The following BCL2L14 variants were observed in gnomAD, a reference collection of about 807,000 sequenced individuals.
BCL2L14 encodes the protein BCL2 like 14, also known as apoptosis facilitator Bcl-2-like protein 14.
A neutral mutation model predicts 35.3 loss-of-function variants in BCL2L14; 27 were observed. That is an observed-to-expected ratio of 0.76 (90% confidence interval 0.56 to 1.05). The LOEUF (loss-of-function observed/expected upper bound fraction) is 1.05. BCL2L14 is among the 50% of genes least tolerant of loss of function. The pLI is 0.00. For synonymous variants in BCL2L14, 139 were observed against 145.9 expected, an observed-to-expected ratio of 0.95 and a Z score of 0.34; for missense variants, 377 against 382.6, an observed-to-expected ratio of 0.99 and a Z score of 0.12.
chr12:12,057,428 G>A (rs11054643), intron 2 of BCL2L14, among the ~76,000 whole-genome samples: 94,301 of 151,974 alleles, frequency 0.62, 30,082 homozygotes, highest in East Asian at 0.78. Flanking sequence ...TTTTCCCTAC[G>A]CCAAAGTCAA....
At chr12:12,050,578 T>C (rs1948337641) in intron 1 of BCL2L14, among the ~76,000 whole-genome samples, 1 of 151,272 alleles carries the variant, frequency 6.6e-6, no homozygotes, top group African/African-American at 2.4e-5. Flanking sequence ...GCCAGAAGCT[T>C]ATAGGAGTAG....
chr12:12,063,571 C>G (rs1018254918), intron 2 of BCL2L14, among the ~76,000 whole-genome samples: 4 of 152,082 alleles, frequency 2.6e-5, no homozygotes, highest in Admixed American at 6.6e-5. Flanking sequence ...TCGAAGCAGC[C>G]CTGAGAAACA....
At chr12:12,084,557 G>A (rs557231868) in intron 2 of BCL2L14, among the ~76,000 whole-genome samples, 1 of 152,086 alleles carries the variant, frequency 6.6e-6, no homozygotes, top group South Asian at 2.1e-4. Context: ...CTGGCGCCAC[G>A]ATGACCCCCA....
intron 3 of BCL2L14, among the ~76,000 whole-genome samples, chr12:12,089,616 T>C (rs1357927247): frequency 6.6e-6 from 1 of 151,918 alleles, no homozygotes; most frequent in African/African-American, 2.4e-5. Context: ...GAGAATCACT[T>C]GAACCTGGGA....
chr12:12,092,214 G>A (rs929208658), intron 4 of BCL2L14, among the ~76,000 whole-genome samples: 1 of 152,158 alleles, frequency 6.6e-6, no homozygotes, highest in Non-Finnish European at 1.5e-5. Context: ...CTGGAGGTGG[G>A]ACGAAGGCCA....
At chr12:12,063,377 T>C (rs1232300600) in intron 2 of BCL2L14, among the ~76,000 whole-genome samples, 1 of 150,930 alleles carries the variant, frequency 6.6e-6, no homozygotes, top group Non-Finnish European at 1.5e-5. Context: ...CTTTTATACC[T>C]GTTTTTCTCC....
At position 12,094,804 on chromosome 12, in the gene BCL2L14, C is replaced by T. The variant is rs769113790; in HGVS notation, c.819C>T (p.Ala273=). 2 of 1,614,190 alleles carry T rather than the reference C, an allele frequency of 1.2e-6. No homozygotes were observed. Among genetic ancestry groups the T allele is most frequent in the Admixed American group, 1.7e-5 (1 of 60,030 alleles). Residue 273 remains alanine, a synonymous_variant, in exon 5 of 6, where the codon GCC becomes GCT. Coordinates refer to ENST00000308721, the MANE Select transcript of BCL2L14 (RefSeq NM_138723.2). Reference sequence around the variant, plus strand: ...TCAAAGCTCAGGGCTTTAAGGCTGCCCTTGTAATAGACGTCACGGCCAAGC... The same window carrying T: ...TCAAAGCTCAGGGCTTTAAGGCTGCTCTTGTAATAGACGTCACGGCCAAGC... ...SEVKAQGFKA[A]LVIDVTAKLT...
At chr12:12,073,961 G>A (rs1431919612) in intron 1 of BCL2L14, among the ~76,000 whole-genome samples, 1 of 152,134 alleles carries the variant, frequency 6.6e-6, no homozygotes, top group African/African-American at 2.4e-5. Context: ...AGGTCTCAGT[G>A]TGTCTCAGCA....
chr12:12,070,273 C>T (rs565792838), upstream of BCL2L14, among the ~76,000 whole-genome samples: 7 of 152,230 alleles, frequency 4.6e-5, no homozygotes, highest in East Asian at 7.7e-4. Flanking sequence ...AGAAAGAGCA[C>T]GATTTGGATC....
At chr12:12,050,812 A>AAG (rs1491229856) in intron 1 of BCL2L14, among the ~76,000 whole-genome samples, 1 of 131,204 alleles carries the variant, frequency 7.6e-6, no homozygotes. Context: ...AAAAAAAAAA[A>AAG]AGAAAAGAAA....
rs532436443 is a variant in BCL2L14 at position 12,084,987 on chromosome 12, G to A, written c.434-2226G>A. 5.9e-5 allele frequency among the ~76,000 whole-genome samples: 9 copies of A among 151,668 alleles called. No homozygotes were observed. The South Asian group carries it at 8.4e-4, about 14-fold the overall frequency. On this transcript the variant is annotated intron_variant, in intron 2 of 5. Coordinates refer to ENST00000308721, the MANE Select transcript of BCL2L14 (RefSeq NM_138723.2). ...AATCCCAGCTACACAGGAGGCTGAG[G>A]CAGAGAGAATGGCTTGAACCCAGAA...
chr12:12,059,582 C>T (rs1166321615), intron 2 of BCL2L14, among the ~76,000 whole-genome samples: 1 of 151,760 alleles, frequency 6.6e-6, no homozygotes, highest in Non-Finnish European at 1.5e-5. Flanking sequence ...TGTGCCTGAC[C>T]CCTTCTCTGC....
intron 3 of BCL2L14, among the ~76,000 whole-genome samples, chr12:12,089,761 T>C (rs1236333322): frequency 6.6e-6 from 1 of 152,226 alleles, no homozygotes; most frequent in Non-Finnish European, 1.5e-5. Context: ...CCTATCCATC[T>C]GCCCTTTTAG....
intron 1 of BCL2L14, among the ~76,000 whole-genome samples, chr12:12,050,275 G>C (rs1948328531): frequency 6.6e-6 from 1 of 151,922 alleles, no homozygotes; most frequent in East Asian, 1.9e-4. Context: ...AGTCTTGAAA[G>C]AGCCTCAATT....
At chr12:12,083,118 C>T (rs1360291220) in intron 2 of BCL2L14, among the ~76,000 whole-genome samples, 3 of 152,120 alleles carry the variant, frequency 2.0e-5, no homozygotes, top group African/African-American at 7.2e-5. Flanking sequence ...GCGCCCACCA[C>T]CACGCCCGGC....
chr12:12,090,646 T>A (rs11829675), intron 3 of BCL2L14, 133 bp from the exon 4 acceptor site: 11,619 of 320,758 alleles, frequency 0.036, 308 homozygotes, highest in African/African-American at 0.18. Flanking sequence ...AAATAAAAAA[T>A]AAAAAAAAAA....
chr12:12,085,333 T>C (rs920266401), intron 2 of BCL2L14, among the ~76,000 whole-genome samples: 1 of 152,144 alleles, frequency 6.6e-6, no homozygotes, highest in Non-Finnish European at 1.5e-5. Context: ...TGCTTTCCTT[T>C]CTCATCTCCT....
intron 1 of BCL2L14, among the ~76,000 whole-genome samples, chr12:12,074,174 T>G (rs1428288933): frequency 6.6e-6 from 1 of 152,184 alleles, no homozygotes; most frequent in Non-Finnish European, 1.5e-5. Context: ...TATCTGAACT[T>G]CAAATGTGAC....
In BCL2L14 at chr12:12,075,410, ATTCTTTCTTTCT is replaced by A. The variant is rs71057801; in HGVS notation, c.-7-3874_-7-3863del. ...ATTGTGCCCTGCCTGATATGTTTCT[ATTCTTTCTTTCT>A]TTCTTTCTTTCTTTTTTTTTTGAGA... On this transcript the variant is annotated intron_variant, in intron 1 of 5. Transcript: ENST00000308721. 2.4e-4 allele frequency among the ~76,000 whole-genome samples: 35 copies of A among 142,952 alleles called. No individual in the cohort carries two copies. The East Asian group carries it at 3.0e-3, about 12-fold the overall frequency. 93.8% of individuals were successfully genotyped at this position (142,952 alleles called of 152,430 possible).
Sources: gnomAD v4.1 joint callset for allele counts (sites outside exome capture counted in the v4.1 genomes callset) on GRCh38, gnomAD v4.1.1 for gene constraint, MANE v1.5 for transcripts, NCBI Gene and HGNC (gene_info 2026-07-23, HGNC 2026-07-21) for gene names.